Variants in WLS observed in about 807,000 individuals in gnomAD.
WLS encodes the protein protein wntless homolog.
In WLS, 23 loss-of-function variants were observed where a neutral mutation model predicts 62.8. The ratio of observed to expected loss-of-function variants is 0.37; its 90% CI spans 0.26 to 0.52. The LOEUF (loss-of-function observed/expected upper bound fraction) is 0.52. Among genes scored for constraint, WLS ranks in the 20% least tolerant of loss-of-function variants. The pLI is 0.92. For synonymous variants in WLS, 246 were observed against 244.1 expected (o/e 1.01, Z -0.07); for missense variants, 615 against 697.3 (o/e 0.88, Z 1.33).
intron 11 of WLS, among the ~76,000 whole-genome samples, chr1:68,102,438 C>T (rs1226971562): frequency 6.6e-6 from 1 of 152,106 alleles, no homozygotes; most frequent in African/African-American, 2.4e-5. Context: ...TCTTCTTGCT[C>T]TCCAGAATTC....
At chr1:68,118,875 C>CAAA (rs33982774) in intron 11 of WLS, among the ~76,000 whole-genome samples, 13 of 26,386 alleles carry the variant, frequency 4.9e-4, no homozygotes, top group South Asian at 2.7e-3. Context: ...GACTCTGTCT[C>CAAA]AAAAAAAAAA....
chr1:68,230,856 C>G (rs1332556150), intron 1 of WLS, among the ~76,000 whole-genome samples: 1 of 152,188 alleles, frequency 6.6e-6, no homozygotes, highest in Non-Finnish European at 1.5e-5. Flanking sequence ...TTGTTCCCAT[C>G]AAACCCAAGT....
chr1:68,153,173 C>T (rs1312515844), intron 5 of WLS, among the ~76,000 whole-genome samples: 1 of 152,110 alleles, frequency 6.6e-6, no homozygotes, highest in Non-Finnish European at 1.5e-5. Context: ...TACCGGGAGG[C>T]TGAGGTGGGA....
intron 1 of WLS, among the ~76,000 whole-genome samples, chr1:68,222,426 G>A (rs566762279): frequency 6.6e-6 from 1 of 152,252 alleles, no homozygotes; most frequent in East Asian, 1.9e-4. Flanking sequence ...CAAAGGGAAG[G>A]GGGAGATGAC....
chr1:68,217,090 C>A (rs757898964), intron 1 of WLS, among the ~76,000 whole-genome samples: 2 of 152,120 alleles, frequency 1.3e-5, no homozygotes, highest in African/African-American at 4.8e-5. Context: ...ACCCCAATTA[C>A]GTCCCTCCCT....
Position 68,145,879 on chromosome 1 carries a change from A to C in WLS, c.1268T>G (p.Leu423Arg). 1 of 1,614,194 alleles carries C rather than the reference A, an allele frequency of 6.2e-7. No homozygotes were observed. The highest frequency in any genetic ancestry group is 1.1e-5 in the South Asian group (1 of 91,076). Residue 423 changes from leucine (L) to arginine (R), a missense_variant, in exon 9 of 12, where the codon CTA becomes CGA. Leu to Arg is a moderately radical substitution (Grantham distance 102). Transcript: ENST00000262348. ...AAGAAATCTGCCCACCTCATAGTGT[A>C]GCCGCCGGACTTTGCTCATAGCTGG... ...SLPAMSKVRR[L>R]HYEGLIFRFK... is the part of the protein sequence containing the mutation.
rs138786954 is a variant in WLS at position 68,104,260 on chromosome 1, T to C, written c.1511-5507A>G. On this transcript the variant is annotated intron_variant, in intron 11 of 11. Coordinates refer to the WLS transcript ENST00000354777. ...GAGAAAAGTCACACGAAACTCTTCT[T>C]TATACAAAATGGTTCTGAGAATCAT... is the stretch of plus-strand genomic sequence containing the variant. Among the ~76,000 whole-genome samples the C allele has an allele frequency of 3.1e-3, 472 of 152,214 alleles. 2 individuals carry two copies. Among genetic ancestry groups the C allele is most frequent in the African/African-American group, 9.7e-3 (402 of 41,520 alleles).
chr1:68,098,585 T>C lies in WLS; in HGVS notation c.*47A>G, dbSNP rs200914637. On this transcript the variant is annotated 3_prime_UTR_variant, in exon 12 of 12. Transcript: ENST00000354777. ...TATACAAGTACAATCAATGTGACTG[T>C]GACAACTGCAAATGCAAAGCTGATA... is the stretch of plus-strand genomic sequence containing the variant. 1.0e-5 allele frequency: 16 copies of C among 1,607,014 alleles called. No individual in the cohort carries two copies. The African/African-American group carries it at 1.9e-4, about 19-fold the overall frequency.
rs147097405 is a variant in WLS, at chr1:68,146,940, C to T, written c.1135-928G>A. Among the ~76,000 whole-genome samples the T allele has an allele frequency of 2.5e-3, 384 of 151,978 alleles. 2 individuals carry two copies. Among genetic ancestry groups the T allele is most frequent in the African/African-American group, 8.7e-3 (361 of 41,426 alleles). ...TGCTTTTGTTGCCCGGGCTGAAGTG[C>T]GATGGCACAATCTTGGCTCACCACA... On this transcript the variant is annotated intron_variant, in intron 8 of 11. Coordinates refer to ENST00000262348, the MANE Select transcript of WLS (RefSeq NM_024911.7).
At chr1:68,113,476 AACAG>A (rs1236915969) in intron 11 of WLS, among the ~76,000 whole-genome samples, 2 of 152,194 alleles carry the variant, frequency 1.3e-5, no homozygotes, top group Non-Finnish European at 1.5e-5. Flanking sequence ...CTGAGAACAA[AACAG>A]ACAGAAATTC....
At chr1:68,161,668 A>G (rs151206953) in intron 2 of WLS, 8 of 991,100 alleles carry the variant, frequency 8.1e-6, no homozygotes, top group Non-Finnish European at 1.2e-5. Context: ...TACAAAGACC[A>G]TCATATTCTT....
At chr1:68,112,405 G>A (rs1005986939) in intron 11 of WLS, among the ~76,000 whole-genome samples, 4 of 152,148 alleles carry the variant, frequency 2.6e-5, no homozygotes, top group African/African-American at 4.8e-5. Flanking sequence ...TACTTCTCAC[G>A]CTCTAGTTCT....
intron 2 of WLS, among the ~76,000 whole-genome samples, chr1:68,188,123 G>A (rs920479450): frequency 1.3e-5 from 2 of 152,160 alleles, no homozygotes; most frequent in Non-Finnish European, 2.9e-5. Flanking sequence ...GTCAGACTAT[G>A]CTCTAAACAA....
chr1:68,161,386 TTTTTA>T (rs1646970462), intron 2 of WLS, among the ~76,000 whole-genome samples: 1 of 152,226 alleles, frequency 6.6e-6, no homozygotes, highest in Non-Finnish European at 1.5e-5. Context: ...CTCTTAATAT[TTTTTA>T]TTTTGTTGTT....
At chr1:68,141,644 C>A (rs959535777) in intron 10 of WLS, 1 of 152,136 alleles carries the variant, frequency 6.6e-6, no homozygotes, top group African/African-American at 2.4e-5. Flanking sequence ...GGCTTAAATG[C>A]AAGCTCTCCC....
chr1:68,171,136 TG>T (rs1647147646), intron 2 of WLS, among the ~76,000 whole-genome samples: 1 of 152,202 alleles, frequency 6.6e-6, no homozygotes, highest in Admixed American at 6.5e-5. Context: ...ACTCTATTTT[TG>T]TTTCCACCAA....
intron 10 of WLS, among the ~76,000 whole-genome samples, chr1:68,140,271 A>G (rs1407756603): frequency 6.6e-6 from 1 of 152,188 alleles, no homozygotes; most frequent in Non-Finnish European, 1.5e-5. Flanking sequence ...ACCATTATAC[A>G]ACACAAGGGT....
At chr1:68,190,160 T>C (rs1172164414) in intron 2 of WLS, among the ~76,000 whole-genome samples, 1 of 152,240 alleles carries the variant, frequency 6.6e-6, no homozygotes, top group Non-Finnish European at 1.5e-5. Context: ...ACTTCCCCAA[T>C]ACTGCAGAGC....
intron 2 of WLS, among the ~76,000 whole-genome samples, chr1:68,191,181 C>G (rs977869293): frequency 2.0e-5 from 3 of 151,818 alleles, no homozygotes; most frequent in African/African-American, 7.3e-5. Flanking sequence ...AAATCTTTTT[C>G]TTTATACTTG....
Sources: allele counts gnomAD v4.1 joint callset (sites outside exome capture counted in the v4.1 genomes callset), GRCh38; gene constraint gnomAD v4.1.1; transcripts MANE v1.5; gene names NCBI Gene and HGNC (gene_info 2026-07-23, HGNC 2026-07-21).